The following ABHD2 variants were observed in gnomAD, a reference collection of about 807,000 sequenced individuals.
ABHD2 encodes abhydrolase domain containing 2, acylglycerol lipase, also known as monoacylglycerol lipase ABHD2.
Under a neutral mutation model 48.1 loss-of-function variants are expected in ABHD2, and 20 were observed. That is an observed-to-expected ratio of 0.42 (90% CI 0.29 to 0.60). The LOEUF (loss-of-function observed/expected upper bound fraction) is 0.60. Among genes scored for constraint, ABHD2 ranks in the 20% least tolerant of loss-of-function variants. The probability of loss-of-function intolerance (pLI) is 0.24; values close to 1 mark genes in which losing one functional copy is unlikely to be tolerated. For synonymous variants in ABHD2, 209 were observed against 214.2 expected (o/e 0.98, Z 0.21); for missense variants, 405 against 550.9 (o/e 0.74, Z 2.65).
chr15:89,085,726 G>A (rs1051222311), upstream of ABHD2, among the ~76,000 whole-genome samples: 9 of 152,118 alleles, frequency 5.9e-5, no homozygotes, highest in Admixed American at 1.3e-4. The surrounding 1 kb of genome is among the most constrained non-coding windows in gnomAD (Gnocchi z 4.2). Flanking sequence ...ACACAATGGC[G>A]AGCCCATCTG....
At chr15:89,192,350 A>G (rs1303745567) in intron 9 of ABHD2, among the ~76,000 whole-genome samples, 1 of 152,208 alleles carries the variant, frequency 6.6e-6, no homozygotes, top group African/African-American at 2.4e-5. Context: ...ATGGCTGTTC[A>G]GTGACATCTG....
At chr15:89,078,517 T>C in the ABHD2 span, among the ~76,000 whole-genome samples, 1 of 152,198 alleles carries the variant, frequency 6.6e-6, no homozygotes, top group Non-Finnish European at 1.5e-5. Flanking sequence ...ATGGCGCTAT[T>C]ATGAACGTTA....
chr15:89,106,485 G>A lies in ABHD2; in HGVS notation c.-106-7240G>A, dbSNP rs956716344. The A allele has an allele frequency of 2.0e-5, 3 of 152,120 alleles. No individual in the cohort carries two copies. The highest frequency in any genetic ancestry group is 7.2e-5 in the African/African-American group (3 of 41,384). The allele number at this position is 152,120 out of a possible 1,614,324, so 9.4% of individuals were successfully genotyped here. A position where few individuals can be genotyped will look rare whatever the true frequency, so the allele number is the denominator to read the frequency against. On this transcript the variant is annotated intron_variant, in intron 1 of 10. Coordinates refer to ENST00000352732, the MANE Select transcript of ABHD2 (RefSeq NM_152924.5). This position sits in a 1 kb window ranked among gnomAD's most constrained non-coding sequence, Gnocchi z 4.2. ...GTGAGAACAGGGCCGGGTCGCCAGG[G>A]CTGTGCAGTTCCCGAAGCCTCCTGG... is the stretch of plus-strand genomic sequence containing the variant.
At position 89,184,605 on chromosome 15, in the gene ABHD2, T is replaced by G. The variant is rs140719163; in HGVS notation, c.723-819T>G. Among the ~76,000 whole-genome samples, 2,072 of 152,320 alleles carry G rather than the reference T, an allele frequency of 0.014. 52 individuals are homozygous for G. Among genetic ancestry groups the G allele is most frequent in the African/African-American group, 0.046 (1,932 of 41,578 alleles). ...CCCACTGGTGTTTGTTCACCTGCTG[T>G]GTGGTCATGGACATCTGGCTGGGGA... is the stretch of plus-strand genomic sequence containing the variant. On this transcript the variant is annotated intron_variant, in intron 6 of 10. Transcript: ENST00000352732. The surrounding 1 kb of genome is among the most constrained non-coding windows in gnomAD (Gnocchi z 5.1).
chr15:89,144,724 G>C (rs575989384), intron 3 of ABHD2, among the ~76,000 whole-genome samples: 9 of 152,298 alleles, frequency 5.9e-5, no homozygotes, highest in African/African-American at 1.4e-4. Context: ...ATGCATACAG[G>C]CTTTCCTTTT....
At chr15:89,153,114 C>G (rs1230062717) in intron 4 of ABHD2, among the ~76,000 whole-genome samples, 1 of 152,176 alleles carries the variant, frequency 6.6e-6, no homozygotes, top group African/African-American at 2.4e-5. Context: ...TCCTCCTTGT[C>G]ATTCAGGTCT....
rs2051438866 is a variant in ABHD2 at position 89,198,715 on chromosome 15, A to T, written c.*3292A>T. On this transcript the variant is annotated 3_prime_UTR_variant, in exon 11 of 11. Coordinates refer to ENST00000352732, the MANE Select transcript of ABHD2 (RefSeq NM_152924.5). The surrounding 1 kb of genome is among the most constrained non-coding windows in gnomAD (Gnocchi z 5.1). ...CTAAGACCACTTCATCTATTTACACATCATTTGCTTGAACATTGCTGAACA... is the reference window on the plus strand; with the variant it reads ...CTAAGACCACTTCATCTATTTACACTTCATTTGCTTGAACATTGCTGAACA... The T allele has an allele frequency of 6.6e-6, 1 of 152,208 alleles. No individual in the cohort carries two copies. Among genetic ancestry groups the T allele is most frequent in the Non-Finnish European group, 1.5e-5 (1 of 68,046 alleles). 9.4% of individuals were successfully genotyped at this position (152,208 alleles called of 1,614,324 possible).
At chr15:89,076,088 T>C in the ABHD2 span, among the ~76,000 whole-genome samples, 2 of 152,228 alleles carry the variant, frequency 1.3e-5, no homozygotes, top group East Asian at 3.8e-4. Context: ...CTGTGACCCA[T>C]GTGCTTGCTC....
intron 5 of ABHD2, among the ~76,000 whole-genome samples, chr15:89,157,190 G>C (rs1336798894): frequency 1.3e-5 from 2 of 152,308 alleles, no homozygotes; most frequent in African/African-American, 2.4e-5. Context: ...AAATAACAAT[G>C]CTGTAAATAC....
chr15:89,061,753 C>G, the ABHD2 span, among the ~76,000 whole-genome samples: 1 of 152,016 alleles, frequency 6.6e-6, no homozygotes. Context: ...TTGTATTTTT[C>G]TGTAGAAACG....
At chr15:89,084,412 G>C (rs1359541674), upstream of ABHD2, among the ~76,000 whole-genome samples, 2 of 152,112 alleles carry the variant, frequency 1.3e-5, no homozygotes, top group African/African-American at 4.8e-5. The surrounding 1 kb of genome is among the most constrained non-coding windows in gnomAD (Gnocchi z 4.4). Context: ...CGATTCTCCT[G>C]CCTCAGCCTC....
At chr15:89,160,732 C>A (rs2050749970) in intron 5 of ABHD2, among the ~76,000 whole-genome samples, 1 of 152,166 alleles carries the variant, frequency 6.6e-6, no homozygotes, top group African/African-American at 2.4e-5. Flanking sequence ...CAGCTACCTG[C>A]TGGAACATTG....
Position 89,094,799 on chromosome 15 carries a change from A to C in ABHD2, c.-107+6236A>C, listed in dbSNP as rs758984839. 6.6e-5 allele frequency among the ~76,000 whole-genome samples: 10 copies of C among 151,852 alleles called. No homozygotes were observed. Among genetic ancestry groups the C allele is most frequent in the Non-Finnish European group, 1.5e-4 (10 of 67,998 alleles). On this transcript the variant is annotated intron_variant, in intron 1 of 10. Coordinates refer to ENST00000352732, the MANE Select transcript of ABHD2 (RefSeq NM_152924.5). This position sits in a 1 kb window ranked among gnomAD's most constrained non-coding sequence, Gnocchi z 4.7. ...TATTTTAGCCTGGGTGCGGTGGCTC[A>C]CACCTGTAATCCCAGTACTTTGAGA...
chr15:89,135,143 C>CTTTTCTTTTTTTTTTT lies in ABHD2; in HGVS notation c.195-16530_195-16529insCTTTTTTTTTTTTTTT, dbSNP rs1555429068. On this transcript the variant is annotated intron_variant, in intron 3 of 10. Transcript: ENST00000352732. ...GTCAACAAAATGGCTACAACTTTTT[C>CTTTTCTTTTTTTTTTT]TTTTTTTTTTTTTTTTTTGCAATTA... Among the ~76,000 whole-genome samples, 13 of 112,184 alleles carry CTTTTCTTTTTTTTTTT rather than the reference C, an allele frequency of 1.2e-4. 4 individuals are homozygous for CTTTTCTTTTTTTTTTT. The highest frequency in any genetic ancestry group is 2.5e-4 in the East Asian group (1 of 4,042). 73.6% of individuals were successfully genotyped at this position (112,184 alleles called of 152,430 possible).
chr15:89,060,923 C>A, the ABHD2 span, among the ~76,000 whole-genome samples: 6 of 151,910 alleles, frequency 3.9e-5, no homozygotes, highest in East Asian at 1.9e-4. Flanking sequence ...ATAATGAAAT[C>A]ATGTCCTTTG....
the ABHD2 span, among the ~76,000 whole-genome samples, chr15:89,069,815 G>C: frequency 2.0e-5 from 3 of 150,850 alleles, no homozygotes; most frequent in Admixed American, 2.0e-4. Flanking sequence ...AAGTAGCTGG[G>C]ATTACAGGTG....
In ABHD2 at chr15:89,110,341, G is replaced by A. The variant is rs574520800; in HGVS notation, c.-106-3384G>A. On this transcript the variant is annotated intron_variant, in intron 1 of 10. Coordinates refer to ENST00000352732, the MANE Select transcript of ABHD2 (RefSeq NM_152924.5). ...CCTGCAAAGTGCTAGGATTACAGGCGTGAGTCCCCTGCACCCGGCCTTATT... is the reference window on the plus strand; with the variant it reads ...CCTGCAAAGTGCTAGGATTACAGGCATGAGTCCCCTGCACCCGGCCTTATT... 1.5e-4 allele frequency among the ~76,000 whole-genome samples: 23 copies of A among 151,794 alleles called. No individual in the cohort carries two copies. The South Asian group carries it at 3.3e-3, about 22-fold the overall frequency.
chr15:89,115,746 G>T (rs1365925764), intron 2 of ABHD2, among the ~76,000 whole-genome samples: 1 of 152,140 alleles, frequency 6.6e-6, no homozygotes, highest in Non-Finnish European at 1.5e-5. Context: ...GCTGAGTCAG[G>T]CTGAGGTTGC....
intron 3 of ABHD2, among the ~76,000 whole-genome samples, chr15:89,117,160 G>T (rs1392389126): frequency 6.6e-6 from 1 of 152,150 alleles, no homozygotes; most frequent in African/African-American, 2.4e-5. Context: ...GGAGTAGCTG[G>T]AATTACAGGT....
Sources: gnomAD v4.1 joint callset for allele counts (sites outside exome capture counted in the v4.1 genomes callset) on GRCh38, gnomAD v4.1.1 for gene constraint, Gnocchi (gnomAD v3.1) non-coding constraint, MANE v1.5 for transcripts, NCBI Gene and HGNC (gene_info 2026-07-23, HGNC 2026-07-21) for gene names.